NAALAD2: variants seen among roughly 807,000 people sequenced by gnomAD.
NAALAD2 encodes the protein N-acetylated-alpha-linked acidic dipeptidase 2.
In NAALAD2, 89 loss-of-function variants were observed where a neutral mutation model predicts 95.6. That is an observed-to-expected ratio of 0.93 (90% CI 0.78 to 1.11). NAALAD2 has a LOEUF of 1.11. Ranked by LOEUF, NAALAD2 falls within the 50% of genes least tolerant of loss-of-function variation. The pLI is 0.00. For missense variants in NAALAD2, 894 were observed against 872.4 expected, an observed-to-expected ratio of 1.02 and a Z score of -0.31; for synonymous variants, 264 against 294.4, an observed-to-expected ratio of 0.90 and a Z score of 1.06.
At chr11:90,144,738 A>AT (rs916051549) in intron 2 of NAALAD2, among the ~76,000 whole-genome samples, 8 of 146,068 alleles carry the variant, frequency 5.5e-5, no homozygotes, top group African/African-American at 1.8e-4. Context: ...GCAAAACTCC[A>AT]TTAAAAAAAA....
Position 90,181,724 on chromosome 11 carries a change from TTTAA to T in NAALAD2, c.1940+24_1940+27del, listed in dbSNP as rs1234798910. The T allele has an allele frequency of 8.0e-6, 11 of 1,381,732 alleles. No homozygotes were observed. In the African/African-American group the frequency reaches 1.9e-4, roughly 24 times the overall value. The allele number at this position is 1,381,732 out of a possible 1,614,324, so 85.6% of individuals were successfully genotyped here. A position where few individuals can be genotyped will look rare whatever the true frequency, so the allele number is the denominator to read the frequency against. On this transcript the variant is annotated intron_variant, in intron 17 of 18. Transcript: ENST00000534061. ...CAAGTAAGTTTCAAATCCCTTTTTT[TTTAA>T]AAAAAAAAAAAAAAGCAATCTGGTT...
chr11:90,172,835 C>T (rs1952680762), intron 13 of NAALAD2, among the ~76,000 whole-genome samples: 1 of 151,896 alleles, frequency 6.6e-6, no homozygotes, highest in Non-Finnish European at 1.5e-5. Flanking sequence ...GTCTAAAGGC[C>T]AGAGAAAATA....
intron 12 of NAALAD2, chr11:90,169,328 A>T: frequency 5.5e-6 from 1 of 180,538 alleles, no homozygotes; most frequent in South Asian, 1.5e-4. Context: ...TTTGGCTAAA[A>T]CAGTTCAGAA....
chr11:90,155,375 ACATATTATACATG>A (rs1952045780), intron 6 of NAALAD2, among the ~76,000 whole-genome samples: 1 of 85,754 alleles, frequency 1.2e-5, no homozygotes, highest in African/African-American at 5.7e-5. Flanking sequence ...ATGTAATATT[ACATATTATACATG>A]TAATATATAA....
chr11:90,140,054 A>G (rs1256532625), intron 2 of NAALAD2, among the ~76,000 whole-genome samples: 1 of 152,140 alleles, frequency 6.6e-6, no homozygotes, highest in East Asian at 1.9e-4. Context: ...TAAGAACTAC[A>G]TGAGAACCAT....
rs558284674 is a variant in NAALAD2 at position 90,161,000 on chromosome 11, G to A, written c.989+1663G>A. 2.6e-5 allele frequency among the ~76,000 whole-genome samples: 4 copies of A among 152,214 alleles called. No individual in the cohort carries two copies. In the South Asian group the frequency reaches 8.3e-4, roughly 32 times the overall value. ...TCCAAATCATTGCTGCCACCAATGA[G>A]GACTAACTTAATTTGCCCTAAGCAA... is the stretch of plus-strand genomic sequence containing the variant. On this transcript the variant is annotated intron_variant, in intron 8 of 18. Coordinates refer to ENST00000534061, the MANE Select transcript of NAALAD2 (RefSeq NM_005467.4).
intron 7 of NAALAD2, chr11:90,158,686 G>C (rs1455226036): frequency 5.8e-6 from 1 of 172,926 alleles, no homozygotes; most frequent in Non-Finnish European, 1.2e-5. Flanking sequence ...TCCTTGATAG[G>C]GTTATTATAA....
At chr11:90,173,294 A>G (rs960000535) in intron 13 of NAALAD2, among the ~76,000 whole-genome samples, 1 of 152,144 alleles carries the variant, frequency 6.6e-6, no homozygotes, top group Non-Finnish European at 1.5e-5. Flanking sequence ...ACATAATAAG[A>G]CTGTCTAAAA....
rs1381005338 is a variant in NAALAD2 at position 90,178,127 on chromosome 11, A to T, written c.1858+10A>T. The T allele has an allele frequency of 1.2e-6, 2 of 1,601,034 alleles. No individual in the cohort carries two copies. The highest frequency in any genetic ancestry group is 1.7e-6 in the Non-Finnish European group (2 of 1,175,322). On this transcript the variant is annotated intron_variant, in intron 16 of 18. Coordinates refer to ENST00000534061, the MANE Select transcript of NAALAD2 (RefSeq NM_005467.4). ...CATGGAGTATCATTTGGTAAGAAATAGTTGGGCAGATATTTTACAGTCTTT... is the reference window on the plus strand; with the variant it reads ...CATGGAGTATCATTTGGTAAGAAATTGTTGGGCAGATATTTTACAGTCTTT...
At position 90,181,724 on chromosome 11, in the gene NAALAD2, TTTAAA is replaced by T. The variant is rs763060361; in HGVS notation, c.1940+24_1940+28del. 3.7e-5 allele frequency: 51 copies of T among 1,381,780 alleles called. No individual in the cohort carries two copies. The African/African-American group carries it at 7.4e-4, about 20-fold the overall frequency. 85.6% of individuals were successfully genotyped at this position (1,381,780 alleles called of 1,614,324 possible). On this transcript the variant is annotated intron_variant, in intron 17 of 18. Coordinates refer to ENST00000534061, the MANE Select transcript of NAALAD2 (RefSeq NM_005467.4). ...CAAGTAAGTTTCAAATCCCTTTTTT[TTTAAA>T]AAAAAAAAAAAAAGCAATCTGGTTA...
intron 2 of NAALAD2, among the ~76,000 whole-genome samples, chr11:90,145,230 T>C (rs1951721295): frequency 6.6e-6 from 1 of 152,156 alleles, no homozygotes; most frequent in African/African-American, 2.4e-5. Context: ...ACTGGGTGAA[T>C]ATGTATGCCT....
rs543375917 is a variant in NAALAD2, at chr11:90,191,537, G to A, written c.2034-21G>A. ...GCATGTATACACTTTAGTTCAATTT[G>A]CCTTGTTTTCTTCCTTTTAGGCACA... On this transcript the variant is annotated intron_variant, in intron 18 of 18. Transcript: ENST00000534061. 14 of 1,521,732 alleles carry A rather than the reference G, an allele frequency of 9.2e-6. No homozygotes were observed. In the East Asian group the frequency reaches 2.6e-4, roughly 28 times the overall value. The allele number at this position is 1,521,732 out of a possible 1,614,324, so 94.3% of individuals were successfully genotyped here.
chr11:90,154,607 G>C (rs1053128941), intron 6 of NAALAD2, among the ~76,000 whole-genome samples: 14 of 151,310 alleles, frequency 9.3e-5, no homozygotes, highest in Non-Finnish European at 1.8e-4. Context: ...TAATATCTTT[G>C]TGTCATTTGG....
intron 14 of NAALAD2, among the ~76,000 whole-genome samples, chr11:90,174,346 T>A (rs201775872): frequency 6.6e-5 from 10 of 150,478 alleles, no homozygotes; most frequent in Non-Finnish European, 7.4e-5. Flanking sequence ...AAAAAAAAAA[T>A]AAGAATTCTT....
intron 14 of NAALAD2, 138 bp from the exon 15 acceptor site, chr11:90,175,834 T>C (rs763292454): frequency 1.1e-5 from 5 of 441,310 alleles, no homozygotes; most frequent in Non-Finnish European, 2.0e-5. Flanking sequence ...GTTGACCTTT[T>C]TTAAATTCTT....
upstream of NAALAD2, among the ~76,000 whole-genome samples, chr11:90,133,036 A>G (rs1590945370): frequency 6.6e-6 from 1 of 152,238 alleles, no homozygotes; most frequent in Admixed American, 6.5e-5. Flanking sequence ...CATACCTATC[A>G]ACAATTATGT....
intron 15 of NAALAD2, among the ~76,000 whole-genome samples, chr11:90,177,314 T>C (rs1215286751): frequency 8.3e-6 from 1 of 120,862 alleles, no homozygotes; most frequent in Non-Finnish European, 1.7e-5. Flanking sequence ...GCCCAGAACC[T>C]TTTTTTTTTT....
intron 18 of NAALAD2, among the ~76,000 whole-genome samples, chr11:90,188,115 T>G (rs1258293169): frequency 3.3e-5 from 5 of 152,166 alleles, no homozygotes; most frequent in Non-Finnish European, 7.3e-5. Flanking sequence ...CTGACCCCTT[T>G]AATTGGCCAA....
At chr11:90,181,056 C>A (rs921702283) in intron 16 of NAALAD2, among the ~76,000 whole-genome samples, 3 of 152,078 alleles carry the variant, frequency 2.0e-5, no homozygotes, top group Non-Finnish European at 4.4e-5. Flanking sequence ...CCAGGCCTCA[C>A]TGATACTGAG....
Sources: allele counts gnomAD v4.1 joint callset (sites outside exome capture counted in the v4.1 genomes callset), GRCh38; gene constraint gnomAD v4.1.1; transcripts MANE v1.5; gene names NCBI Gene and HGNC (gene_info 2026-07-23, HGNC 2026-07-21).